NAALADL2: variants seen among roughly 807,000 people sequenced by gnomAD.
The protein encoded by NAALADL2 is inactive N-acetylated-alpha-linked acidic dipeptidase-like protein 2.
A neutral mutation model predicts 87.2 loss-of-function variants in NAALADL2; 76 were observed. That is an observed-to-expected ratio of 0.87 (90% CI 0.72 to 1.05). The LOEUF (loss-of-function observed/expected upper bound fraction) is 1.05. Ranked by LOEUF, NAALADL2 falls within the 50% of genes least tolerant of loss-of-function variation. The pLI is 0.00. For missense variants in NAALADL2, 1,089 were observed against 945.8 expected (o/e 1.15, Z -1.99); for synonymous variants, 354 against 331.0 (o/e 1.07, Z -0.75).
At position 175,070,387 on chromosome 3, in the gene NAALADL2, A is replaced by G. The variant is rs144713460; in HGVS notation, c.44-26403A>G. 1.9e-3 allele frequency among the ~76,000 whole-genome samples: 284 copies of G among 152,142 alleles called. 2 individuals are homozygous for G. In the Middle Eastern group the frequency reaches 0.02, roughly 11 times the overall value. On this transcript the variant is annotated intron_variant, in intron 1 of 13. Coordinates refer to ENST00000454872, the MANE Select transcript of NAALADL2 (RefSeq NM_207015.3). ...AGGTTAGCTTTTATTGCATATAATG[A>G]GAATCTCCTAGATGATGTAGAAATC... is the stretch of plus-strand genomic sequence containing the variant.
At chr3:175,009,314 G>A (rs1000613292) in intron 1 of NAALADL2, among the ~76,000 whole-genome samples, 1 of 152,140 alleles carries the variant, frequency 6.6e-6, no homozygotes, top group African/African-American at 2.4e-5. Context: ...AGTAAATTTA[G>A]TACTTAATTA....
Position 175,755,190 on chromosome 3 carries a change from T to C in NAALADL2, c.1991-30T>C, listed in dbSNP as rs191676609. The C allele has an allele frequency of 1.3e-4, 209 of 1,589,926 alleles. 1 individual carries two copies. The African/African-American group carries it at 2.6e-3, about 20-fold the overall frequency. The stretch of plus-strand genomic sequence containing the variant: ...TATTTTGCTCCCTTGAGAATGTCTC[T>C]TCTGAGATGGGCTCATTTATCTTCA... On this transcript the variant is annotated intron_variant, in intron 12 of 13. Coordinates refer to ENST00000454872, the MANE Select transcript of NAALADL2 (RefSeq NM_207015.3).
At chr3:175,243,842 C>T (rs1747456828) in intron 3 of NAALADL2, among the ~76,000 whole-genome samples, 1 of 152,076 alleles carries the variant, frequency 6.6e-6, no homozygotes, top group South Asian at 2.1e-4. Context: ...GATAAAGTTA[C>T]CTTCTCCACA....
intron 4 of NAALADL2, among the ~76,000 whole-genome samples, chr3:175,301,648 T>G (rs937891769): frequency 6.6e-6 from 1 of 152,142 alleles, no homozygotes; most frequent in East Asian, 1.9e-4. Flanking sequence ...AAATACAGAA[T>G]TTTGGCAGGA....
At chr3:174,458,002 G>C (rs779449764) in intron 1 of NAALADL2, among the ~76,000 whole-genome samples, 3 of 152,058 alleles carry the variant, frequency 2.0e-5, no homozygotes, top group Non-Finnish European at 4.4e-5. Context: ...GTAGAAGGTG[G>C]GAAGAGGGAG....
intron 2 of NAALADL2, among the ~76,000 whole-genome samples, chr3:175,176,474 G>A (rs1251403909): frequency 2.0e-5 from 3 of 152,064 alleles, no homozygotes; most frequent in Admixed American, 1.3e-4. Context: ...CAGAATAATG[G>A]TTCCCAATTG....
chr3:175,129,484 T>C (rs984981805), intron 2 of NAALADL2, among the ~76,000 whole-genome samples: 1 of 152,170 alleles, frequency 6.6e-6, no homozygotes, highest in African/African-American at 2.4e-5. Context: ...CCCACCCCTG[T>C]CCAGTCCTTG....
At chr3:175,054,061 G>A (rs1711575295) in intron 1 of NAALADL2, among the ~76,000 whole-genome samples, 1 of 152,188 alleles carries the variant, frequency 6.6e-6, no homozygotes, top group Non-Finnish European at 1.5e-5. Flanking sequence ...TCGTAACTGA[G>A]CATTTTCAAT....
chr3:174,819,552 A>G (rs1256882599), intron 3 of NAALADL2, among the ~76,000 whole-genome samples: 2 of 152,078 alleles, frequency 1.3e-5, no homozygotes, highest in East Asian at 3.9e-4. Flanking sequence ...ACACAATCAC[A>G]TCCTTACCAG....
chr3:175,572,516 G>A (rs1718238534), intron 9 of NAALADL2, among the ~76,000 whole-genome samples: 1 of 152,102 alleles, frequency 6.6e-6, no homozygotes, highest in Non-Finnish European at 1.5e-5. Flanking sequence ...ACTATAGTAG[G>A]AAGAATGCAG....
At chr3:175,053,292 G>A (rs1364305593) in intron 1 of NAALADL2, among the ~76,000 whole-genome samples, 3 of 152,156 alleles carry the variant, frequency 2.0e-5, no homozygotes, top group African/African-American at 7.2e-5. Context: ...AATACTCATG[G>A]CAATGGTGAT....
intron 1 of NAALADL2, among the ~76,000 whole-genome samples, chr3:174,918,391 A>C (rs910901140): frequency 6.6e-6 from 1 of 152,188 alleles, no homozygotes; most frequent in Non-Finnish European, 1.5e-5. Context: ...ATGGAAAAAA[A>C]CCGAATCCCT....
chr3:174,471,207 T>A lies in NAALADL2; in HGVS notation c.-184+30175T>A, dbSNP rs147697571. Among the ~76,000 whole-genome samples, 373 of 146,890 alleles carry A rather than the reference T, an allele frequency of 2.5e-3. 3 individuals carry two copies. Among genetic ancestry groups the A allele is most frequent in the African/African-American group, 9.1e-3 (352 of 38,696 alleles). On this transcript the variant is annotated intron_variant, in intron 1 of 3. Coordinates refer to the NAALADL2 transcript ENST00000434257. ...TGTAACTTAAGGTTAAAACCTTACT[T>A]TTTTTTTTTATATTTCAACCTATAA...
At chr3:174,892,337 G>T (rs1180032573) in intron 1 of NAALADL2, among the ~76,000 whole-genome samples, 1 of 151,900 alleles carries the variant, frequency 6.6e-6, no homozygotes, top group Non-Finnish European at 1.5e-5. Context: ...ACACAGAGAA[G>T]AAATTCAGAA....
At chr3:175,172,432 G>T (rs1035940773) in intron 2 of NAALADL2, among the ~76,000 whole-genome samples, 3 of 152,044 alleles carry the variant, frequency 2.0e-5, no homozygotes, top group Non-Finnish European at 1.5e-5. Context: ...TAACAACTTC[G>T]CTAACCCTCA....
chr3:175,026,204 T>C (rs1266674282), intron 1 of NAALADL2, among the ~76,000 whole-genome samples: 1 of 152,074 alleles, frequency 6.6e-6, no homozygotes, highest in African/African-American at 2.4e-5. Context: ...TTTAATAGGT[T>C]TATAAAGCTC....
At chr3:174,590,546 A>G (rs956242330) in intron 2 of NAALADL2, among the ~76,000 whole-genome samples, 2 of 152,154 alleles carry the variant, frequency 1.3e-5, no homozygotes, top group African/African-American at 4.8e-5. Context: ...TAAATTTTAA[A>G]GTATAAGAGT....
intron 2 of NAALADL2, among the ~76,000 whole-genome samples, chr3:174,593,758 C>G (rs371678504): frequency 2.0e-5 from 3 of 152,000 alleles, no homozygotes; most frequent in Admixed American, 2.0e-4. Context: ...CTAATTTTAT[C>G]TCCTCACCTG....
rs116793447 is a variant in NAALADL2 at position 174,720,658 on chromosome 3, A to C, written c.-114-16983A>C. 2.8e-3 allele frequency among the ~76,000 whole-genome samples: 430 copies of C among 152,266 alleles called. 1 individual carries two copies. Among genetic ancestry groups the C allele is most frequent in the African/African-American group, 9.8e-3 (408 of 41,558 alleles). On this transcript the variant is annotated intron_variant, in intron 2 of 3. Transcript: ENST00000434257. Reference sequence around the variant, plus strand: ...ATCAGCAATGTGTAAATGAAAAAAAAATTATCGTTACAAAAGTGGGCATTG... The same window carrying C: ...ATCAGCAATGTGTAAATGAAAAAAACATTATCGTTACAAAAGTGGGCATTG...
Sources: allele counts gnomAD v4.1 joint callset (sites outside exome capture counted in the v4.1 genomes callset), GRCh38; gene constraint gnomAD v4.1.1; transcripts MANE v1.5; gene names NCBI Gene and HGNC (gene_info 2026-07-23, HGNC 2026-07-21).